Variants in FUCA1 observed in about 807,000 individuals in gnomAD.
The protein encoded by FUCA1 is alpha-L-fucosidase 1, also known as tissue alpha-L-fucosidase.
Under a neutral mutation model 56.8 loss-of-function variants are expected in FUCA1, and 52 were observed. The observed-to-expected ratio is 0.92, with a 90% CI of 0.73 to 1.15. The LOEUF is 1.15. Among genes scored for constraint, FUCA1 ranks in the 50% most tolerant of loss-of-function variants. The pLI is 0.00. For synonymous variants in FUCA1, 230 were observed against 226.6 expected, an observed-to-expected ratio of 1.02 and a Z score of -0.14; for missense variants, 568 against 592.6, an observed-to-expected ratio of 0.96 and a Z score of 0.43.
chr1:23,852,692 G>A (rs1570677319), intron 5 of FUCA1, among the ~76,000 whole-genome samples: 1 of 152,120 alleles, frequency 6.6e-6, no homozygotes, highest in East Asian at 1.9e-4. Flanking sequence ...TGGCCGGGCT[G>A]GTCTCCAGCT....
intron 5 of FUCA1, among the ~76,000 whole-genome samples, chr1:23,853,034 C>T (rs1431628075): frequency 2.7e-5 from 4 of 146,658 alleles, no homozygotes; most frequent in Admixed American, 2.0e-4. Flanking sequence ...AAGTGAGGAG[C>T]ACCTCTTCCC....
intron 3 of FUCA1, among the ~76,000 whole-genome samples, chr1:23,862,355 C>T (rs921283529): frequency 6.6e-6 from 1 of 152,054 alleles, no homozygotes; most frequent in Non-Finnish European, 1.5e-5. Context: ...TTAGTAGAGA[C>T]GAGATTTCAC....
At chr1:23,855,781 G>A (rs549127992) in intron 4 of FUCA1, among the ~76,000 whole-genome samples, 2 of 152,192 alleles carry the variant, frequency 1.3e-5, no homozygotes, top group African/African-American at 4.8e-5. Flanking sequence ...GAACAGGTAT[G>A]TAAAAGCCAT....
At chr1:23,861,638 C>G (rs1299434345) in intron 3 of FUCA1, among the ~76,000 whole-genome samples, 1 of 152,154 alleles carries the variant, frequency 6.6e-6, no homozygotes, top group East Asian at 1.9e-4. Flanking sequence ...CATATTATTA[C>G]TCTGAGCCCT....
chr1:23,860,583 CAA>C (rs532619184), intron 3 of FUCA1, among the ~76,000 whole-genome samples: 3 of 50,240 alleles, frequency 6.0e-5, no homozygotes, highest in African/African-American at 1.4e-4. Context: ...AACTCCGTCT[CAA>C]AAAAAAAAAA....
chr1:23,854,135 G>C (rs1005512170), intron 5 of FUCA1, among the ~76,000 whole-genome samples: 2 of 151,910 alleles, frequency 1.3e-5, no homozygotes, highest in Non-Finnish European at 1.5e-5. Flanking sequence ...TTAAGATATA[G>C]ATTACAACCA....
intron 4 of FUCA1, among the ~76,000 whole-genome samples, chr1:23,859,342 G>A (rs1023073803): frequency 6.6e-6 from 1 of 152,016 alleles, no homozygotes; most frequent in Admixed American, 6.6e-5. Context: ...CAAGGTGAGC[G>A]GATCACCAGA....
intron 5 of FUCA1, 25 bp from the exon 6 acceptor site, chr1:23,848,864 G>A (rs755922594): frequency 6.3e-7 from 1 of 1,597,468 alleles, no homozygotes; most frequent in East Asian, 2.2e-5. Flanking sequence ...AACAATGAAA[G>A]TCTAGCTATG....
At chr1:23,861,470 A>AG (rs1639512843) in intron 3 of FUCA1, among the ~76,000 whole-genome samples, 1 of 152,118 alleles carries the variant, frequency 6.6e-6, no homozygotes, top group African/African-American at 2.4e-5. Context: ...AAGGAAGCAA[A>AG]GGAAACAAAA....
Position 23,848,748 on chromosome 1 carries a change from C to T in FUCA1, c.1061G>A (p.Arg354Lys). ...DGLIVPIFQE[R>K]LLAVGKWLSI... ...CAGCCATTTCCCAACAGCAAGAAGC[C>T]TTTCTTGGAAGATGGGAACAATCAG... The change falls in exon 6 of 8, where the codon AGG becomes AAG. Residue 354 changes from arginine (R) to lysine (K), a missense_variant. Physicochemically the swap from Arg to Lys is conservative, Grantham distance 26. Coordinates refer to ENST00000374479, the MANE Select transcript of FUCA1 (RefSeq NM_000147.5). The T allele has an allele frequency of 6.2e-7, 1 of 1,614,126 alleles. No homozygotes were observed. The highest frequency in any genetic ancestry group is 8.5e-7 in the Non-Finnish European group (1 of 1,179,946).
At chr1:23,850,312 A>T (rs1639229281) in intron 5 of FUCA1, among the ~76,000 whole-genome samples, 1 of 32,696 alleles carries the variant, frequency 3.1e-5, no homozygotes, top group Non-Finnish European at 8.0e-5. Flanking sequence ...GCGAAATTCC[A>T]TCTCAAAAAA....
intron 4 of FUCA1, among the ~76,000 whole-genome samples, chr1:23,859,294 C>T (rs998787949): frequency 3.3e-5 from 5 of 151,928 alleles, no homozygotes; most frequent in East Asian, 1.9e-4. Context: ...TTGCCGGGTG[C>T]GGTGGCTCAC....
At position 23,854,499 on chromosome 1, in the gene FUCA1, T is replaced by C. The variant is rs1448527378; in HGVS notation, c.830A>G (p.Tyr277Cys). The part of the protein sequence containing the change: ...QNCSCHHGGY[Y>C]NCEDKFKPQS... ...TGGCTTGAATTTATCTTCACAGTTA[T>C]AGTATCCTCCATGGTGACAGGAACA... The change falls in exon 5 of 8, where the codon TAT (tyrosine) becomes TGT (cysteine). Residue 277 changes from tyrosine to cysteine, a missense_variant. Coordinates refer to ENST00000374479, the MANE Select transcript of FUCA1 (RefSeq NM_000147.5). 1 of 1,614,126 alleles carries C rather than the reference T, an allele frequency of 6.2e-7. No individual in the cohort carries two copies. Among genetic ancestry groups the C allele is most frequent in the Non-Finnish European group, 8.5e-7 (1 of 1,179,934 alleles).
At chr1:23,846,444 T>C (rs1387934261) in intron 6 of FUCA1, among the ~76,000 whole-genome samples, 4 of 152,136 alleles carry the variant, frequency 2.6e-5, no homozygotes, top group African/African-American at 9.7e-5. Context: ...CTAACTTTTG[T>C]ATTTTTAGTA....
Position 23,848,544 on chromosome 1 carries a change from T to C in FUCA1, c.1160+105A>G, listed in dbSNP as rs1570672908. 6 of 1,121,342 alleles carry C rather than the reference T, an allele frequency of 5.4e-6. No individual in the cohort carries two copies. The East Asian group carries it at 1.4e-4, about 26-fold the overall frequency. The allele number at this position is 1,121,342 out of a possible 1,614,324, so 69.5% of individuals were successfully genotyped here. A position where few individuals can be genotyped will look rare whatever the true frequency, so the allele number is the denominator to read the frequency against. ...TAGGAAAATAACCTTCTGGATTTTC[T>C]CAAGGCAACTTCCAGCCTGGCTTGT... On this transcript the variant is annotated intron_variant, in intron 6 of 7. Transcript: ENST00000374479.
At chr1:23,852,463 C>T (rs897137804) in intron 5 of FUCA1, among the ~76,000 whole-genome samples, 3 of 145,160 alleles carry the variant, frequency 2.1e-5, no homozygotes, top group Non-Finnish European at 4.5e-5. Context: ...CTCCCTCTCC[C>T]CCCTCTCCCT....
intron 4 of FUCA1, among the ~76,000 whole-genome samples, chr1:23,855,831 T>G (rs532459556): frequency 6.6e-6 from 1 of 152,302 alleles, no homozygotes; most frequent in South Asian, 2.1e-4. Flanking sequence ...TAATTCTTCA[T>G]TCAACACCTA....
Position 23,865,602 on chromosome 1 carries a change from T to C in FUCA1, c.413A>G (p.His138Arg). ...CGGCCAGTTTGTGAAGCCTTCGTGA[T>C]GCTTTGTCGTCAAAACTACATACCT... ...GAKYVVLTTK[H>R]HEGFTNWPSP... Residue 138 changes from histidine (H) to arginine (R), a missense_variant, in exon 2 of 8, where the codon CAT (histidine) becomes CGT (arginine). By Grantham distance (29) the His-to-Arg change is conservative. Transcript: ENST00000374479. The C allele has an allele frequency of 6.2e-7, 1 of 1,614,258 alleles. No individual in the cohort carries two copies. Among genetic ancestry groups the C allele is most frequent in the Non-Finnish European group, 8.5e-7 (1 of 1,180,040 alleles).
rs1355877782 is a variant in FUCA1, at chr1:23,867,690, G to A, written c.389+208C>T. 4.1e-6 allele frequency: 4 copies of A among 982,934 alleles called. No individual in the cohort carries two copies. The highest frequency in any genetic ancestry group is 1.2e-4 in the Admixed American group (2 of 16,252). The allele number at this position is 982,934 out of a possible 1,614,324, so 60.9% of individuals were successfully genotyped here. A position where few individuals can be genotyped will look rare whatever the true frequency, so the allele number is the denominator to read the frequency against. ...GGGCTTCCCAGCCTGCCATCTCCCT[G>A]AACCTTCATTTATCAGTCCCCAGTC... On this transcript the variant is annotated intron_variant, in intron 1 of 7. Coordinates refer to ENST00000374479, the MANE Select transcript of FUCA1 (RefSeq NM_000147.5). The surrounding 1 kb of genome is among the most constrained non-coding windows in gnomAD (Gnocchi z 4.9).
Sources: gnomAD v4.1 joint callset for allele counts (sites outside exome capture counted in the v4.1 genomes callset) on GRCh38, gnomAD v4.1.1 for gene constraint, Gnocchi (gnomAD v3.1) non-coding constraint, MANE v1.5 for transcripts, NCBI Gene and HGNC (gene_info 2026-07-23, HGNC 2026-07-21) for gene names.